The following SLC31A1 variants were observed in gnomAD, a reference collection of about 807,000 sequenced individuals.
SLC31A1 encodes the protein solute carrier family 31 member 1.
SLC31A1 carries 5 observed loss-of-function variants against 17.2 expected under a neutral mutation model. The ratio of observed to expected loss-of-function variants is 0.29; its 90% CI spans 0.15 to 0.61. The LOEUF (loss-of-function observed/expected upper bound fraction) is 0.61, where lower values mean the gene tolerates loss of function less well. Ranked by LOEUF, SLC31A1 falls within the 20% of genes least tolerant of loss-of-function variation. The probability of loss-of-function intolerance (pLI) is 0.86; values close to 1 mark genes in which losing one functional copy is unlikely to be tolerated. For missense variants in SLC31A1, 161 were observed against 241.4 expected (o/e 0.67, Z 2.21); for synonymous variants, 76 against 78.8 (o/e 0.96, Z 0.19).
intron 1 of SLC31A1, among the ~76,000 whole-genome samples, chr9:113,251,429 A>C (rs544663125): frequency 1.3e-5 from 2 of 148,762 alleles, no homozygotes; most frequent in South Asian, 4.3e-4. Context: ...CTAAAAAAAT[A>C]AAAAATAAAA....
chr9:113,230,630 A>G (rs1173443469), intron 1 of SLC31A1, among the ~76,000 whole-genome samples: 1 of 152,218 alleles, frequency 6.6e-6, no homozygotes, highest in African/African-American at 2.4e-5. Flanking sequence ...TAATACGTAT[A>G]TAAATTGCAT....
chr9:113,260,810 A>G lies in SLC31A1; in HGVS notation c.*337A>G, dbSNP rs1831784974. 1 of 330,300 alleles carries G rather than the reference A, an allele frequency of 3.0e-6. No homozygotes were observed. The highest frequency in any genetic ancestry group is 5.8e-6 in the Non-Finnish European group (1 of 172,500). The allele number at this position is 330,300 out of a possible 1,614,324, so 20.5% of individuals were successfully genotyped here. On this transcript the variant is annotated 3_prime_UTR_variant, in exon 5 of 5. Coordinates refer to ENST00000374212, the MANE Select transcript of SLC31A1 (RefSeq NM_001859.4). Reference sequence around the variant, plus strand: ...TAGCTTTTTGTTCAATGACTTGATCATCTGCTTCCTTTTTGAATTTTTAAC... The same window carrying G: ...TAGCTTTTTGTTCAATGACTTGATCGTCTGCTTCCTTTTTGAATTTTTAAC...
At chr9:113,248,462 C>CTTTTTTTTTT (rs34154634) in intron 1 of SLC31A1, among the ~76,000 whole-genome samples, 3 of 86,552 alleles carry the variant, frequency 3.5e-5, no homozygotes, top group Admixed American at 1.5e-4. Flanking sequence ...GAAAGCAGTC[C>CTTTTTTTTTT]TTTTTTTTTT....
intron 1 of SLC31A1, among the ~76,000 whole-genome samples, chr9:113,230,033 A>G (rs1038271026): frequency 6.6e-6 from 1 of 152,226 alleles, no homozygotes; most frequent in Non-Finnish European, 1.5e-5. Flanking sequence ...TAGAGGATTC[A>G]GAAGATTTGC....
At chr9:113,260,174 A>G in intron 4 of SLC31A1, 98 bp from the exon 5 acceptor site, 1 of 1,025,054 alleles carries the variant, frequency 9.8e-7, no homozygotes, top group Non-Finnish European at 1.5e-6. Flanking sequence ...GTGGCTGTCC[A>G]GTTCCAGCTG....
At chr9:113,244,094 T>G (rs10739392) in intron 1 of SLC31A1, among the ~76,000 whole-genome samples, 68,260 of 144,802 alleles carry the variant, frequency 0.47, 16,098 homozygotes, top group South Asian at 0.59. Flanking sequence ...GGCGGAGCTT[T>G]CAGTGAGCCG....
At chr9:113,242,851 G>A (rs948795651) in intron 1 of SLC31A1, among the ~76,000 whole-genome samples, 2 of 152,180 alleles carry the variant, frequency 1.3e-5, no homozygotes, top group Admixed American at 1.3e-4. Context: ...ACCACTTAAA[G>A]GTCAATAGCA....
intron 1 of SLC31A1, among the ~76,000 whole-genome samples, chr9:113,232,339 A>G (rs1831410006): frequency 6.6e-6 from 1 of 152,184 alleles, no homozygotes; most frequent in East Asian, 1.9e-4. Context: ...AGGAATATGA[A>G]GAAGCATTAT....
chr9:113,221,548 C>A lies in SLC31A1; in HGVS notation c.-166C>A, dbSNP rs1043004730. 21 of 456,738 alleles carry A rather than the reference C, an allele frequency of 4.6e-5. No homozygotes were observed. The highest frequency in any genetic ancestry group is 4.2e-4 in the African/African-American group (21 of 50,434). 28.3% of individuals were successfully genotyped at this position (456,738 alleles called of 1,614,324 possible). On this transcript the variant is annotated 5_prime_UTR_variant, in exon 1 of 5. Coordinates refer to ENST00000374212, the MANE Select transcript of SLC31A1 (RefSeq NM_001859.4). ...TAGGGGGCGGGAGGGGGCGGGAAAT[C>A]CTCGGCCTCGGTGGCGGTGGTGGAC... is the stretch of plus-strand genomic sequence containing the variant.
intron 1 of SLC31A1, among the ~76,000 whole-genome samples, chr9:113,254,732 C>G (rs1278003469): frequency 6.6e-6 from 1 of 152,090 alleles, no homozygotes; most frequent in Non-Finnish European, 1.5e-5. Flanking sequence ...AACCCCATCT[C>G]TACTAAAAAT....
At chr9:113,249,829 AG>A (rs753014090) in intron 1 of SLC31A1, among the ~76,000 whole-genome samples, 8 of 151,828 alleles carry the variant, frequency 5.3e-5, no homozygotes, top group Admixed American at 2.6e-4. Context: ...CAAATTTACA[AG>A]AAAAAAAACA....
chr9:113,251,303 T>C (rs1458049319), intron 1 of SLC31A1, among the ~76,000 whole-genome samples: 1 of 151,960 alleles, frequency 6.6e-6, no homozygotes, highest in Non-Finnish European at 1.5e-5. Context: ...ATGCCTGTAA[T>C]CCCAGCTACT....
intron 1 of SLC31A1, among the ~76,000 whole-genome samples, chr9:113,245,904 G>A (rs1316450569): frequency 6.6e-6 from 1 of 151,968 alleles, no homozygotes; most frequent in Non-Finnish European, 1.5e-5. Flanking sequence ...AAAGGGTTAG[G>A]ATTACAGGTG....
intron 1 of SLC31A1, among the ~76,000 whole-genome samples, chr9:113,240,079 T>G (rs761316676): frequency 2.7e-4 from 41 of 152,224 alleles, no homozygotes; most frequent in Non-Finnish European, 4.9e-4. Flanking sequence ...TTAAGAAAGC[T>G]CCTCTCTTTC....
rs1306082166 is a variant in SLC31A1, at chr9:113,231,617, G to A, written c.-36+9939G>A. On this transcript the variant is annotated intron_variant, in intron 1 of 4. Coordinates refer to ENST00000374212, the MANE Select transcript of SLC31A1 (RefSeq NM_001859.4). The stretch of plus-strand genomic sequence containing the variant: ...ATTTAGTTATGCATTAGTGGTAGCT[G>A]TGGAGTTAGGCACACCTGGTAGGAA... 2.6e-5 allele frequency among the ~76,000 whole-genome samples: 4 copies of A among 152,024 alleles called. No homozygotes were observed. The East Asian group carries it at 7.7e-4, about 29-fold the overall frequency.
rs529028019 is a variant in SLC31A1 at position 113,234,127 on chromosome 9, C to G, written c.-36+12449C>G. ...CAGCCTCTGGTGACTGTTCTACTCT[C>G]TACCTCCGTAGGATCAACTTTTTTG... On this transcript the variant is annotated intron_variant, in intron 1 of 4. Coordinates refer to ENST00000374212, the MANE Select transcript of SLC31A1 (RefSeq NM_001859.4). Among the ~76,000 whole-genome samples, 11 of 152,312 alleles carry G rather than the reference C, an allele frequency of 7.2e-5. 1 individual carries two copies. In the East Asian group the frequency reaches 9.6e-4, roughly 13 times the overall value.
chr9:113,259,171 T>A (rs1252267302), intron 4 of SLC31A1, among the ~76,000 whole-genome samples: 1 of 152,204 alleles, frequency 6.6e-6, no homozygotes, highest in African/African-American at 2.4e-5. Flanking sequence ...GAAATTCAGA[T>A]CAAGATATAA....
rs1831758845 is a variant in SLC31A1, at chr9:113,258,993, T to G, written c.371+131T>G. The G allele has an allele frequency of 5.2e-6, 5 of 955,028 alleles. No individual in the cohort carries two copies. Among genetic ancestry groups the G allele is most frequent in the Admixed American group, 1.9e-5 (1 of 51,294 alleles). The allele number at this position is 955,028 out of a possible 1,614,324, so 59.2% of individuals were successfully genotyped here. On this transcript the variant is annotated intron_variant, in intron 4 of 4. Transcript: ENST00000374212. This position sits in a 1 kb window ranked among gnomAD's most constrained non-coding sequence, Gnocchi z 4.8. ...TGTATGACCTTGATCAAAACTGTCC[T>G]TGGAGGTTTGGGTTTGTAGGTCATG...
At chr9:113,256,060 G>T in intron 1 of SLC31A1, 54 bp from the exon 2 acceptor site, 1 of 1,318,392 alleles carries the variant, frequency 7.6e-7, no homozygotes. Flanking sequence ...ATAAAAAAAA[G>T]AGATAAGATT....
Sources: gnomAD v4.1 joint callset for allele counts (sites outside exome capture counted in the v4.1 genomes callset) on GRCh38, gnomAD v4.1.1 for gene constraint, Gnocchi (gnomAD v3.1) non-coding constraint, MANE v1.5 for transcripts, NCBI Gene and HGNC (gene_info 2026-07-23, HGNC 2026-07-21) for gene names.